Variants in ATP2C1 observed in about 807,000 individuals in gnomAD.
ATP2C1 encodes ATPase secretory pathway Ca2+ transporting 1, also known as calcium-transporting ATPase type 2C member 1.
A neutral mutation model predicts 120.5 loss-of-function variants in ATP2C1; 31 were observed. That is an observed-to-expected ratio of 0.26 (90% CI 0.19 to 0.35). The LOEUF (loss-of-function observed/expected upper bound fraction) is 0.35. ATP2C1 is among the 10% of genes least tolerant of loss of function. The pLI is 1.00. For missense variants in ATP2C1, 731 were observed against 1,107.5 expected (o/e 0.66, Z 4.83); for synonymous variants, 351 against 358.7 (o/e 0.98, Z 0.24).
At chr3:131,007,718 T>C (rs1243710402), downstream of ATP2C1, among the ~76,000 whole-genome samples, 1 of 152,234 alleles carries the variant, frequency 6.6e-6, no homozygotes, top group African/African-American at 2.4e-5. Context: ...TGCCCTTTAG[T>C]TGACAAGTGA....
chr3:130,994,154 C>A, intron 22 of ATP2C1, 56 bp downstream of exon 22: 1 of 1,591,498 alleles, frequency 6.3e-7, no homozygotes, highest in South Asian at 1.1e-5. Flanking sequence ...CCTTTCCTGT[C>A]CCCCACCCCT....
intron 4 of ATP2C1, among the ~76,000 whole-genome samples, chr3:130,934,269 A>T (rs1400325562): frequency 6.6e-6 from 1 of 152,192 alleles, no homozygotes; most frequent in Non-Finnish European, 1.5e-5. Flanking sequence ...CCAAATTTTT[A>T]GCTTAAAAAT....
intron 1 of ATP2C1, among the ~76,000 whole-genome samples, chr3:130,865,574 G>T (rs1325795656): frequency 1.3e-5 from 2 of 152,120 alleles, no homozygotes; most frequent in African/African-American, 4.8e-5. Context: ...CATGTGTTGT[G>T]GGATGGACCC....
intron 1 of ATP2C1, among the ~76,000 whole-genome samples, chr3:130,881,473 C>T (rs563902147): frequency 3.3e-5 from 5 of 152,232 alleles, no homozygotes; most frequent in Admixed American, 3.3e-4. Flanking sequence ...GTCCTCCCAC[C>T]TCAGCCTCCC....
At chr3:130,930,140 T>TA in intron 2 of ATP2C1, 1 of 422,550 alleles carries the variant, frequency 2.4e-6, no homozygotes, top group East Asian at 5.5e-5. Flanking sequence ...TTTTTACTCT[T>TA]ATGTTGGTGG....
chr3:130,933,807 G>T (rs2059553327), intron 4 of ATP2C1, among the ~76,000 whole-genome samples: 1 of 152,200 alleles, frequency 6.6e-6, no homozygotes, highest in South Asian at 2.1e-4. Context: ...ATTGGGACTT[G>T]TTCCAGGGAA....
chr3:130,862,035 G>A (rs991683863), intron 1 of ATP2C1, among the ~76,000 whole-genome samples: 8 of 151,890 alleles, frequency 5.3e-5, no homozygotes, highest in African/African-American at 1.5e-4. Flanking sequence ...GTGCAGTGGC[G>A]CCATCTTGGC....
rs1478903201 is a variant in ATP2C1 at position 130,965,065 on chromosome 3, A to G, written c.1122+20A>G. 6.6e-7 allele frequency: 1 copy of G among 1,519,006 alleles called. No individual in the cohort carries two copies. The highest frequency in any genetic ancestry group is 2.3e-5 in the East Asian group (1 of 44,210). The allele number at this position is 1,519,006 out of a possible 1,614,324, so 94.1% of individuals were successfully genotyped here. A position where few individuals can be genotyped will look rare whatever the true frequency, so the allele number is the denominator to read the frequency against. On this transcript the variant is annotated intron_variant, in intron 14 of 27. Coordinates refer to ENST00000510168, the MANE Select transcript of ATP2C1 (RefSeq NM_001378687.1). ...GCTGAGGTACTCTATAGGTTTTTAAAAACAAACAAAAACAGTATCCCTTTA... is the reference window on the plus strand; with the variant it reads ...GCTGAGGTACTCTATAGGTTTTTAAGAACAAACAAAAACAGTATCCCTTTA...
chr3:130,936,756 G>A (rs1210619940), intron 5 of ATP2C1, among the ~76,000 whole-genome samples: 3 of 144,778 alleles, frequency 2.1e-5, no homozygotes, highest in Non-Finnish European at 4.5e-5. Flanking sequence ...GGCGGAGCTT[G>A]CAGTGAGCTG....
chr3:131,015,700 G>A (rs2063588702), intron 26 of ATP2C1, among the ~76,000 whole-genome samples: 1 of 150,970 alleles, frequency 6.6e-6, no homozygotes, highest in East Asian at 1.9e-4. Context: ...TAAGCCATAT[G>A]CCAAGTGGTA....
At chr3:130,940,830 C>T (rs1295978149) in intron 7 of ATP2C1, 139 bp downstream of exon 7, 2 of 673,900 alleles carry the variant, frequency 3.0e-6, no homozygotes, top group African/African-American at 1.8e-5. Flanking sequence ...AGTTCCTGGT[C>T]TCATTAATGT....
intron 1 of ATP2C1, chr3:130,855,800 CT>C (rs2067821186): frequency 1.3e-5 from 2 of 152,156 alleles, no homozygotes; most frequent in Admixed American, 6.5e-5. Flanking sequence ...AGAGCCTGCT[CT>C]TTTTTGCCTT....
At chr3:130,995,933 C>T (rs1164659820) in intron 22 of ATP2C1, 110 bp from the exon 23 acceptor site, 4 of 790,656 alleles carry the variant, frequency 5.1e-6, no homozygotes, top group Non-Finnish European at 8.6e-6. Context: ...GCATGAGCCA[C>T]AGTGCCCGGT....
chr3:130,916,463 T>G (rs1265681487), intron 2 of ATP2C1, among the ~76,000 whole-genome samples: 1 of 152,000 alleles, frequency 6.6e-6, no homozygotes, highest in East Asian at 1.9e-4. Context: ...AAACTATGAT[T>G]TTCTTGGAGG....
chr3:131,015,195 A>G, intron 26 of ATP2C1: 1 of 702,220 alleles, frequency 1.4e-6, no homozygotes, highest in Non-Finnish European at 2.6e-6. Context: ...GAAACATGTA[A>G]AGTCCCACCA....
chr3:130,953,997 G>GA, intron 9 of ATP2C1, 21 bp downstream of exon 9: 5 of 1,612,502 alleles, frequency 3.1e-6, no homozygotes, highest in Non-Finnish European at 4.2e-6. Context: ...TTCCTGATTT[G>GA]AAAAAAGCAG....
chr3:131,013,948 C>T, intron 26 of ATP2C1: 6 of 682,906 alleles, frequency 8.8e-6, no homozygotes, highest in Non-Finnish European at 1.2e-5. Flanking sequence ...TGATGTTTAT[C>T]CCCTAACAGG....
intron 8 of ATP2C1, among the ~76,000 whole-genome samples, chr3:130,947,958 C>T (rs889119430): frequency 6.6e-6 from 1 of 152,172 alleles, no homozygotes; most frequent in African/African-American, 2.4e-5. Context: ...CAAAATCGTA[C>T]AGCCCACACC....
At chr3:130,883,646 T>G (rs1261592956) in intron 1 of ATP2C1, among the ~76,000 whole-genome samples, 1 of 152,120 alleles carries the variant, frequency 6.6e-6, no homozygotes, top group Non-Finnish European at 1.5e-5. Context: ...GAGACAGGGT[T>G]TCGCCATGTT....
Sources: gnomAD v4.1 joint callset for allele counts (sites outside exome capture counted in the v4.1 genomes callset) on GRCh38, gnomAD v4.1.1 for gene constraint, MANE v1.5 for transcripts, NCBI Gene and HGNC (gene_info 2026-07-23, HGNC 2026-07-21) for gene names.